SLC22A14: variants seen among roughly 807,000 people sequenced by gnomAD.
SLC22A14 encodes the protein organic cation transporter-like 4.
A neutral mutation model predicts 53.9 loss-of-function variants in SLC22A14; 50 were observed. The observed-to-expected ratio is 0.93, with a 90% confidence interval of 0.74 to 1.17. The LOEUF is 1.17. SLC22A14 is among the 50% of genes most tolerant of loss of function. The pLI is 0.00. For synonymous variants in SLC22A14, 312 were observed against 303.0 expected, an observed-to-expected ratio of 1.03 and a Z score of -0.31; for missense variants, 671 against 734.7, an observed-to-expected ratio of 0.91 and a Z score of 1.00.
intron 10 of SLC22A14, among the ~76,000 whole-genome samples, chr3:38,317,109 T>A (rs2125895056): frequency 6.6e-6 from 1 of 152,346 alleles, no homozygotes; most frequent in Admixed American, 6.5e-5. Flanking sequence ...CTTCTGGGTT[T>A]TCGGCCAATG....
chr3:38,284,756 T>TAA (rs58028334), intron 1 of SLC22A14, among the ~76,000 whole-genome samples: 1 of 145,398 alleles, frequency 6.9e-6, no homozygotes, highest in Non-Finnish European at 1.5e-5. Context: ...CCCACAAAAT[T>TAA]AAAAAAAAAA....
At chr3:38,285,289 A>T (rs1703767703) in intron 1 of SLC22A14, among the ~76,000 whole-genome samples, 1 of 152,168 alleles carries the variant, frequency 6.6e-6, no homozygotes, top group African/African-American at 2.4e-5. Context: ...GCAGGAGTGG[A>T]TGTTTCAGGA....
At chr3:38,291,247 A>C (rs1703907541) in intron 1 of SLC22A14, among the ~76,000 whole-genome samples, 1 of 152,194 alleles carries the variant, frequency 6.6e-6, no homozygotes, top group South Asian at 2.1e-4. Context: ...TTCCATCAGT[A>C]TACAAGTTGA....
intron 5 of SLC22A14, among the ~76,000 whole-genome samples, chr3:38,309,755 A>G (rs1704414909): frequency 6.6e-6 from 1 of 152,212 alleles, no homozygotes; most frequent in Non-Finnish European, 1.5e-5. Flanking sequence ...AGGTGGGAAA[A>G]GAGAGGGACA....
Position 38,306,189 on chromosome 3 carries a change from C to G in SLC22A14, c.163C>G (p.Leu55Val). 6.2e-7 allele frequency: 1 copy of G among 1,614,176 alleles called. No homozygotes were observed. Among genetic ancestry groups the G allele is most frequent in the African/African-American group, 1.3e-5 (1 of 75,040 alleles). Reference protein sequence around the residue: ...HTKQDDKFANLLDAVGEFGTF... With the variant: ...HTKQDDKFANVLDAVGEFGTF... ...CAAGCAGGATGACAAGTTTGCCAAC[C>G]TCCTGGATGCGGTGGGGGAGTTTGG... Residue 55 changes from leucine to valine, a missense_variant, in exon 2 of 11, where the codon CTC (leucine) becomes GTC (valine). Transcript: ENST00000448498.
At chr3:38,279,885 A>G (rs1703629746), upstream of SLC22A14, among the ~76,000 whole-genome samples, 1 of 152,198 alleles carries the variant, frequency 6.6e-6, no homozygotes, top group Non-Finnish European at 1.5e-5. Flanking sequence ...TGTGCCCCAA[A>G]CAGTTAAAGA....
Position 38,316,432 on chromosome 3 carries a change from C to G in SLC22A14, c.1641C>G (p.Val547=). 6.2e-7 allele frequency: 1 copy of G among 1,614,230 alleles called. No homozygotes were observed. The highest frequency in any genetic ancestry group is 2.2e-5 in the East Asian group (1 of 44,884). ...PSLLPIFLCC[V]LAIVAFSLSS... Reference sequence around the variant, plus strand: ...TCCTGCCCATCTTTCTCTGCTGCGTCTTAGCCATCGTGGCCTTTTCCCTCT... The same window carrying G: ...TCCTGCCCATCTTTCTCTGCTGCGTGTTAGCCATCGTGGCCTTTTCCCTCT... The change falls in exon 10 of 11, where the codon GTC becomes GTG. Residue 547 remains valine, a synonymous_variant. Coordinates refer to ENST00000448498, the MANE Select transcript of SLC22A14 (RefSeq NM_001320033.2).
At chr3:38,281,867 C>G (rs1226795051), upstream of SLC22A14, among the ~76,000 whole-genome samples, 1 of 152,196 alleles carries the variant, frequency 6.6e-6, no homozygotes, top group Non-Finnish European at 1.5e-5. Flanking sequence ...GCTTGAAGCC[C>G]TGTTCCTGCA....
chr3:38,294,390 T>C (rs61500887), intron 1 of SLC22A14, among the ~76,000 whole-genome samples: 9,780 of 152,282 alleles, frequency 0.064, 373 homozygotes, highest in East Asian at 0.16. Context: ...TTATAATTTA[T>C]ACTTCCCTCA....
At chr3:38,282,703 G>C (rs1385665162) in intron 1 of SLC22A14, among the ~76,000 whole-genome samples, 1 of 152,152 alleles carries the variant, frequency 6.6e-6, no homozygotes, top group African/African-American at 2.4e-5. Flanking sequence ...GTGCTCCAGG[G>C]TATTGGGGTA....
chr3:38,301,460 A>G (rs1463504689), intron 1 of SLC22A14, among the ~76,000 whole-genome samples: 2 of 152,248 alleles, frequency 1.3e-5, no homozygotes, highest in African/African-American at 2.4e-5. Flanking sequence ...ATTGAATGGC[A>G]TACTTTTACA....
rs1704340814 is a variant in SLC22A14, at chr3:38,307,528, T to A, written c.621-38T>A. 1 of 1,606,546 alleles carries A rather than the reference T, an allele frequency of 6.2e-7. No individual in the cohort carries two copies. The highest frequency in any genetic ancestry group is 8.5e-7 in the Non-Finnish European group (1 of 1,175,650). ...ATCCGGCTGGGGCCAGCCCGGGAGATCCCGGCACTTGGTGCAGCCTCCCTT... is the reference window on the plus strand; with the variant it reads ...ATCCGGCTGGGGCCAGCCCGGGAGAACCCGGCACTTGGTGCAGCCTCCCTT... On this transcript the variant is annotated intron_variant, in intron 3 of 10. Coordinates refer to ENST00000448498, the MANE Select transcript of SLC22A14 (RefSeq NM_001320033.2). The surrounding 1 kb of genome is among the most constrained non-coding windows in gnomAD (Gnocchi z 4.4).
At chr3:38,315,795 C>T in intron 9 of SLC22A14, 84 bp downstream of exon 9, 1 of 1,376,100 alleles carries the variant, frequency 7.3e-7, no homozygotes, top group Non-Finnish European at 1.0e-6. Flanking sequence ...CTAAGACAAG[C>T]ATTCACCTGG....
upstream of SLC22A14, among the ~76,000 whole-genome samples, chr3:38,280,099 T>C (rs1161322792): frequency 6.6e-6 from 1 of 152,018 alleles, no homozygotes; most frequent in Non-Finnish European, 1.5e-5. Flanking sequence ...TCATACTCAC[T>C]CCCCCCGTAC....
rs1376196800 is a variant in SLC22A14 at position 38,308,978 on chromosome 3, A to G, written c.800A>G (p.His267Arg). Residue 267 changes from histidine to arginine, a missense_variant, in exon 5 of 11, where the codon CAC becomes CGC. Coordinates refer to ENST00000448498, the MANE Select transcript of SLC22A14 (RefSeq NM_001320033.2). The stretch of plus-strand genomic sequence containing the variant: ...GCCACTGAGTGGTTAGTGGGTGAGC[A>G]CCGGGCCCATGCCATTATCCTGGGA... ...SLATEWLVGEHRAHAIILGHC... is the reference protein window; with the variant it reads ...SLATEWLVGERRAHAIILGHC... 1 of 1,613,988 alleles carries G rather than the reference A, an allele frequency of 6.2e-7. No homozygotes were observed. Among genetic ancestry groups the G allele is most frequent in the Non-Finnish European group, 8.5e-7 (1 of 1,179,946 alleles).
Position 38,309,078 on chromosome 3 carries a change from T to G in SLC22A14, c.900T>G (p.Phe300Leu). 6.2e-7 allele frequency: 1 copy of G among 1,614,134 alleles called. No homozygotes were observed. The highest frequency in any genetic ancestry group is 8.5e-7 in the Non-Finnish European group (1 of 1,179,968). The change falls in exon 5 of 11, where the codon TTT (phenylalanine) becomes TTG (leucine). Residue 300 changes from phenylalanine to leucine, a missense_variant. Coordinates refer to ENST00000448498, the MANE Select transcript of SLC22A14 (RefSeq NM_001320033.2). ...GTCTTCCCCACTGGCAGCTGCTGTTTCTGGTGGGTGGGATACTTGTGATCC... is the reference window on the plus strand; with the variant it reads ...GTCTTCCCCACTGGCAGCTGCTGTTGCTGGTGGGTGGGATACTTGTGATCC... ...AYSLPHWQLL[F>L]LVGGILVIPF...
rs775088949 is a variant in SLC22A14 at position 38,307,384 on chromosome 3, C to A, written c.620+27C>A. 1 of 1,582,106 alleles carries A rather than the reference C, an allele frequency of 6.3e-7. No homozygotes were observed. The highest frequency in any genetic ancestry group is 1.1e-5 in the South Asian group (1 of 90,464). On this transcript the variant is annotated intron_variant, in intron 3 of 10. Transcript: ENST00000448498. The surrounding 1 kb of genome is among the most constrained non-coding windows in gnomAD (Gnocchi z 4.4). ...TGAGTCCCCGGGAGTTTCTGCTGGT[C>A]CCCGAGCCATCCCAACTCCTCCTCA...
intron 7 of SLC22A14, 55 bp downstream of exon 7, chr3:38,313,540 C>G (rs931411022): frequency 9.3e-5 from 122 of 1,309,672 alleles, no homozygotes; most frequent in Admixed American, 4.5e-4. Flanking sequence ...AGGCTGGAAA[C>G]TCTAGGGAGA....
chr3:38,313,683 T>TGTGTGTGTGTGTGCGCGC (rs539249729), intron 7 of SLC22A14, 44 bp from the exon 8 acceptor site: 111 of 737,088 alleles, frequency 1.5e-4, no homozygotes, highest in Middle Eastern at 1.1e-3. Flanking sequence ...GCTCCGTGTG[T>TGTGTGTGTGTGTGCGCGC]GTGCGCGCGT....
Sources: allele counts gnomAD v4.1 joint callset (sites outside exome capture counted in the v4.1 genomes callset), GRCh38; gene constraint gnomAD v4.1.1; non-coding constraint Gnocchi (gnomAD v3.1); transcripts MANE v1.5; gene names NCBI Gene and HGNC (gene_info 2026-07-23, HGNC 2026-07-21).